DPP10: variants seen among roughly 807,000 people sequenced by gnomAD.
The protein encoded by DPP10 is dipeptidyl peptidase like 10.
In DPP10, 33 loss-of-function variants were observed where a neutral mutation model predicts 120.9. The observed-to-expected ratio is 0.27, with a 90% confidence interval of 0.21 to 0.37. DPP10 has a LOEUF of 0.37. DPP10 is among the 10% of genes least tolerant of loss of function. The probability of loss-of-function intolerance (pLI) is 1.00; values close to 1 mark genes in which losing one functional copy is unlikely to be tolerated. For missense variants in DPP10, 816 were observed against 942.8 expected, an observed-to-expected ratio of 0.87 and a Z score of 1.76; for synonymous variants, 337 against 326.1, an observed-to-expected ratio of 1.03 and a Z score of -0.36.
intron 1 of DPP10, among the ~76,000 whole-genome samples, chr2:114,852,109 T>C (rs1439417160): frequency 6.6e-6 from 1 of 150,844 alleles, no homozygotes; most frequent in Non-Finnish European, 1.5e-5. Flanking sequence ...CCACATTTGC[T>C]ATGCCTATTA....
intron 3 of DPP10, among the ~76,000 whole-genome samples, chr2:115,407,908 A>G (rs1466704276): frequency 2.0e-5 from 3 of 152,062 alleles, no homozygotes; most frequent in East Asian, 1.9e-4. Flanking sequence ...AAGGATTCCT[A>G]GGGATTTAGG....
intron 5 of DPP10, among the ~76,000 whole-genome samples, chr2:115,578,645 A>T (rs1329168041): frequency 6.6e-6 from 1 of 152,208 alleles, no homozygotes; most frequent in Non-Finnish European, 1.5e-5. Flanking sequence ...AAATTTGCAT[A>T]CTCAGAACCA....
intron 1 of DPP10, among the ~76,000 whole-genome samples, chr2:114,623,945 C>T (rs1001107127): frequency 2.0e-5 from 3 of 151,978 alleles, no homozygotes; most frequent in Non-Finnish European, 4.4e-5. Flanking sequence ...CAAGGAATGG[C>T]CTTAGTATCC....
At chr2:115,787,735 GATAA>G (rs1482342599) in intron 17 of DPP10, among the ~76,000 whole-genome samples, 7 of 152,224 alleles carry the variant, frequency 4.6e-5, no homozygotes, top group African/African-American at 1.7e-4. Context: ...ACGGAAGCAG[GATAA>G]ATGTCAATAA....
intron 1 of DPP10, among the ~76,000 whole-genome samples, chr2:115,215,571 T>C (rs1224979049): frequency 6.6e-6 from 1 of 151,304 alleles, no homozygotes; most frequent in African/African-American, 2.4e-5. Flanking sequence ...GGAATATGTA[T>C]TAATGCAACC....
At chr2:114,971,328 T>C (rs1254103699) in intron 1 of DPP10, among the ~76,000 whole-genome samples, 3 of 152,186 alleles carry the variant, frequency 2.0e-5, no homozygotes, top group African/African-American at 7.2e-5. Flanking sequence ...CCTCTTGTCT[T>C]GGCAAATAGG....
intron 21 of DPP10, among the ~76,000 whole-genome samples, chr2:115,816,850 C>T (rs1451193083): frequency 4.0e-5 from 6 of 150,248 alleles, no homozygotes; most frequent in African/African-American, 9.7e-5. Context: ...CTCTTGACCT[C>T]GTGATCCGCC....
chr2:114,756,264 A>G (rs1425262286), intron 1 of DPP10, among the ~76,000 whole-genome samples: 3 of 152,194 alleles, frequency 2.0e-5, no homozygotes, highest in Non-Finnish European at 2.9e-5. Flanking sequence ...ACAAGTTATG[A>G]AAGTGTGTGC....
At chr2:114,648,464 G>A (rs948890494) in intron 1 of DPP10, among the ~76,000 whole-genome samples, 1 of 152,106 alleles carries the variant, frequency 6.6e-6, no homozygotes, top group Admixed American at 6.5e-5. Context: ...TGCTTAAGTG[G>A]CTCAGCCCAT....
intron 3 of DPP10, among the ~76,000 whole-genome samples, chr2:115,449,093 A>C (rs1254030828): frequency 6.6e-6 from 1 of 152,166 alleles, no homozygotes; most frequent in African/African-American, 2.4e-5. Context: ...CTTTTCAGCA[A>C]AGTAACCCAT....
At chr2:114,524,534 G>T (rs1685335183) in intron 1 of DPP10, among the ~76,000 whole-genome samples, 2 of 152,190 alleles carry the variant, frequency 1.3e-5, no homozygotes, top group African/African-American at 2.4e-5. Flanking sequence ...CAGGTTGCTT[G>T]TTCACTAAGA....
At chr2:114,832,449 T>G (rs1437698088) in intron 1 of DPP10, among the ~76,000 whole-genome samples, 2 of 152,100 alleles carry the variant, frequency 1.3e-5, no homozygotes, top group East Asian at 3.9e-4. Context: ...GCAGGAGAAA[T>G]GCTTGAATCC....
intron 1 of DPP10, among the ~76,000 whole-genome samples, chr2:114,553,909 T>A (rs7570151): frequency 0.056 from 8,459 of 152,250 alleles, 671 homozygotes; most frequent in East Asian, 0.22. Flanking sequence ...GCGCAATAGA[T>A]CACACAAGAT....
intron 1 of DPP10, among the ~76,000 whole-genome samples, chr2:114,709,335 G>A (rs1270164296): frequency 6.6e-6 from 1 of 152,128 alleles, no homozygotes; most frequent in Non-Finnish European, 1.5e-5. Context: ...TCCAGCCTAG[G>A]TGTGGAAGCA....
chr2:114,736,453 CAG>C (rs1677448295), intron 1 of DPP10, among the ~76,000 whole-genome samples: 1 of 152,036 alleles, frequency 6.6e-6, no homozygotes, highest in Admixed American at 6.6e-5. Flanking sequence ...GGCAAAACAA[CAG>C]AAGTTGATTA....
chr2:115,424,427 C>A (rs2070265454), intron 3 of DPP10, among the ~76,000 whole-genome samples: 1 of 151,550 alleles, frequency 6.6e-6, no homozygotes, highest in African/African-American at 2.4e-5. Context: ...ATTAATTTTG[C>A]CACAGATTAT....
At chr2:115,172,781 A>G (rs935378869) in intron 1 of DPP10, among the ~76,000 whole-genome samples, 1 of 152,192 alleles carries the variant, frequency 6.6e-6, no homozygotes, top group African/African-American at 2.4e-5. Context: ...GTTATACCGG[A>G]CATAGACAGA....
At chr2:115,431,856 CA>C (rs2104780077) in intron 3 of DPP10, among the ~76,000 whole-genome samples, 1 of 152,202 alleles carries the variant, frequency 6.6e-6, no homozygotes, top group South Asian at 2.1e-4. Flanking sequence ...ATGTGAACTA[CA>C]TTTTGAACAC....
chr2:115,019,560 G>A (rs1403908248), intron 1 of DPP10, among the ~76,000 whole-genome samples: 1 of 152,172 alleles, frequency 6.6e-6, no homozygotes, highest in Non-Finnish European at 1.5e-5. Context: ...GGTTTATTCA[G>A]AAGAGAAATA....
Sources: allele counts gnomAD v4.1 joint callset (sites outside exome capture counted in the v4.1 genomes callset), GRCh38; gene constraint gnomAD v4.1.1; transcripts MANE v1.5; gene names NCBI Gene and HGNC (gene_info 2026-07-23, HGNC 2026-07-21).